Variants in NME7 observed in about 807,000 individuals in gnomAD.
NME7 encodes nucleoside diphosphate kinase 7.
Under a neutral mutation model 49.1 loss-of-function variants are expected in NME7, and 41 were observed. The observed-to-expected ratio is 0.83, with a 90% CI of 0.65 to 1.08. NME7 has a LOEUF of 1.08. NME7 is among the 50% of genes least tolerant of loss of function. The pLI, the probability that NME7 is intolerant of heterozygous loss-of-function variation, is 0.00. For missense variants in NME7, 423 were observed against 463.4 expected (o/e 0.91, Z 0.80); for synonymous variants, 139 against 150.6 (o/e 0.92, Z 0.56).
chr1:169,296,886 C>T (rs1223077328), intron 6 of NME7, among the ~76,000 whole-genome samples: 1 of 152,068 alleles, frequency 6.6e-6, no homozygotes, highest in East Asian at 1.9e-4. Context: ...TTCATTATTA[C>T]CACCCAGGTC....
At chr1:169,211,502 A>G (rs1660818297) in intron 10 of NME7, among the ~76,000 whole-genome samples, 1 of 152,216 alleles carries the variant, frequency 6.6e-6, no homozygotes, top group East Asian at 1.9e-4. Context: ...ATCACCTGGA[A>G]AAAATATTAT....
chr1:169,135,014 C>CAAAAAAAAAAAAAAAAAAAA (rs58463903), intron 11 of NME7, among the ~76,000 whole-genome samples: 4 of 50,390 alleles, frequency 7.9e-5, no homozygotes, highest in African/African-American at 2.9e-4. Flanking sequence ...CCCGTCTCTA[C>CAAAAAAAAAAAAAAAAAAAA]AAAAAAAAAA....
chr1:169,240,257 G>A (rs576825295), intron 7 of NME7, among the ~76,000 whole-genome samples: 1 of 151,792 alleles, frequency 6.6e-6, no homozygotes, highest in South Asian at 2.1e-4. Flanking sequence ...TGTGATCTAA[G>A]CCAAAAGGTC....
At chr1:169,297,423 C>G (rs1274664304) in intron 6 of NME7, among the ~76,000 whole-genome samples, 1 of 152,170 alleles carries the variant, frequency 6.6e-6, no homozygotes, top group African/African-American at 2.4e-5. Context: ...ACCATATAAT[C>G]TTTCCCCTAA....
intron 10 of NME7, among the ~76,000 whole-genome samples, chr1:169,220,795 A>G (rs1370776062): frequency 6.6e-6 from 1 of 152,256 alleles, no homozygotes; most frequent in Non-Finnish European, 1.5e-5. Flanking sequence ...AGTTAACAAA[A>G]TGCTTATAAA....
chr1:169,353,815 G>A (rs1343320039), intron 1 of NME7, among the ~76,000 whole-genome samples: 3 of 151,968 alleles, frequency 2.0e-5, no homozygotes, highest in African/African-American at 7.3e-5. Context: ...CAATATCATT[G>A]ATCATGAGAA....
Position 169,337,536 on chromosome 1 carries a change from G to A in NME7, c.4-13036C>T, listed in dbSNP as rs1395680516. On this transcript the variant is annotated intron_variant, in intron 1 of 11. Coordinates refer to ENST00000367811, the MANE Select transcript of NME7 (RefSeq NM_013330.5). ...CAGAAAGGAGCTCCCACAGCGCAGCGGTGGGCTGAAGGGCTCCTCAAGTGC... is the reference window on the plus strand; with the variant it reads ...CAGAAAGGAGCTCCCACAGCGCAGCAGTGGGCTGAAGGGCTCCTCAAGTGC... Among the ~76,000 whole-genome samples, 4 of 152,190 alleles carry A rather than the reference G, an allele frequency of 2.6e-5. No homozygotes were observed. In the South Asian group the frequency reaches 6.2e-4, roughly 24 times the overall value.
At chr1:169,279,845 T>G (rs1649929729) in intron 7 of NME7, among the ~76,000 whole-genome samples, 1 of 152,146 alleles carries the variant, frequency 6.6e-6, no homozygotes, top group South Asian at 2.1e-4. Context: ...TCCCCACATT[T>G]TCTTAATTCG....
At position 169,274,085 on chromosome 1, in the gene NME7, G is replaced by C. The variant is rs1339231735; in HGVS notation, c.754+13218C>G. ...GAACTAGTTTACAGTCCCACCAACA[G>C]TGTAAAAGTGTTCCTATTTCTCCAC... On this transcript the variant is annotated intron_variant, in intron 7 of 11. Transcript: ENST00000367811. Among the ~76,000 whole-genome samples, 6 of 130,362 alleles carry C rather than the reference G, an allele frequency of 4.6e-5. 1 individual carries two copies. Among genetic ancestry groups the C allele is most frequent in the Non-Finnish European group, 1.1e-4 (6 of 55,492 alleles). 85.5% of individuals were successfully genotyped at this position (130,362 alleles called of 152,430 possible). A position where few individuals can be genotyped will look rare whatever the true frequency, so the allele number is the denominator to read the frequency against.
chr1:169,147,741 T>C lies in NME7; in HGVS notation c.1099-14924A>G, dbSNP rs184710994. On this transcript the variant is annotated intron_variant, in intron 11 of 11. Coordinates refer to ENST00000367811, the MANE Select transcript of NME7 (RefSeq NM_013330.5). ...ATATCAAGTAAGCATTTGCCCAATA[T>C]GAGATTTAAAAGTAACGACTATAGT... Among the ~76,000 whole-genome samples the C allele has an allele frequency of 2.7e-4, 41 of 152,284 alleles. No homozygotes were observed. In the East Asian group the frequency reaches 6.9e-3, roughly 26 times the overall value.
rs1338845133 is a variant in NME7, at chr1:169,269,029, C to G, written c.754+18274G>C. 5.2e-5 allele frequency among the ~76,000 whole-genome samples: 7 copies of G among 133,342 alleles called. 1 individual carries two copies. Among genetic ancestry groups the G allele is most frequent in the Admixed American group, 5.2e-4 (7 of 13,482 alleles). 87.5% of individuals were successfully genotyped at this position (133,342 alleles called of 152,430 possible). A position where few individuals can be genotyped will look rare whatever the true frequency, so the allele number is the denominator to read the frequency against. ...ATACAGCAATAATATCTAAATTTCA[C>G]TATTTGTAAATGATTTTTCTTAAGC... is the stretch of plus-strand genomic sequence containing the variant. On this transcript the variant is annotated intron_variant, in intron 7 of 11. Coordinates refer to ENST00000367811, the MANE Select transcript of NME7 (RefSeq NM_013330.5).
chr1:169,330,691 A>C (rs542271755), intron 1 of NME7, among the ~76,000 whole-genome samples: 1 of 152,008 alleles, frequency 6.6e-6, no homozygotes, highest in African/African-American at 2.4e-5. Flanking sequence ...ATAAATAAAT[A>C]AATAAAATCC....
intron 10 of NME7, among the ~76,000 whole-genome samples, chr1:169,217,220 A>C (rs1220246773): frequency 1.3e-5 from 2 of 152,214 alleles, no homozygotes; most frequent in Non-Finnish European, 2.9e-5. Flanking sequence ...ATAACAAATA[A>C]TGGAGAAGAC....
intron 3 of NME7, among the ~76,000 whole-genome samples, chr1:169,313,143 T>TA (rs1349964571): frequency 7.0e-6 from 1 of 143,600 alleles, no homozygotes; most frequent in Non-Finnish European, 1.5e-5. Context: ...TTGATATTTT[T>TA]AAAAAATCTT....
chr1:169,197,356 T>C (rs1488058317), intron 10 of NME7, among the ~76,000 whole-genome samples: 2 of 152,142 alleles, frequency 1.3e-5, no homozygotes, highest in East Asian at 3.9e-4. Flanking sequence ...TTCTGATGTC[T>C]AGTTAGCTCT....
intron 10 of NME7, among the ~76,000 whole-genome samples, chr1:169,197,129 A>T (rs571359045): frequency 6.6e-6 from 1 of 152,144 alleles, no homozygotes; most frequent in East Asian, 1.9e-4. Context: ...AGTAAATAAG[A>T]GTACCTATAT....
intron 7 of NME7, among the ~76,000 whole-genome samples, chr1:169,274,405 A>T (rs1459217207): frequency 1.5e-5 from 2 of 132,152 alleles, no homozygotes; most frequent in Admixed American, 7.4e-5. Context: ...ATTTTCTCCC[A>T]TTTTGTAGGT....
chr1:169,278,561 T>C (rs7532955), intron 7 of NME7, among the ~76,000 whole-genome samples: 3,186 of 152,246 alleles, frequency 0.021, 115 homozygotes, highest in African/African-American at 0.073. Context: ...CACTTCTCTG[T>C]ATTGGTTATT....
intron 1 of NME7, among the ~76,000 whole-genome samples, chr1:169,332,031 A>G (rs982274333): frequency 3.3e-5 from 5 of 152,172 alleles, no homozygotes; most frequent in Non-Finnish European, 5.9e-5. Context: ...AAGCAAAAAG[A>G]ACAAAACTGA....
Sources: gnomAD v4.1 joint callset for allele counts (sites outside exome capture counted in the v4.1 genomes callset) on GRCh38, gnomAD v4.1.1 for gene constraint, MANE v1.5 for transcripts, NCBI Gene and HGNC (gene_info 2026-07-23, HGNC 2026-07-21) for gene names.